The following PPARGC1B variants were observed in gnomAD, a reference collection of about 807,000 sequenced individuals.
The protein encoded by PPARGC1B is PPARG coactivator 1 beta, also known as peroxisome proliferator-activated receptor gamma coactivator 1-beta.
In PPARGC1B, 34 loss-of-function variants were observed where a neutral mutation model predicts 101.6. The ratio of observed to expected loss-of-function variants is 0.33; its 90% CI spans 0.25 to 0.45. The LOEUF is 0.45. Among genes scored for constraint, PPARGC1B ranks in the 20% least tolerant of loss-of-function variants. The pLI, the probability that PPARGC1B is intolerant of heterozygous loss-of-function variation, is 1.00. For missense variants in PPARGC1B, 1,234 were observed against 1,317.6 expected (o/e 0.94, Z 0.98); for synonymous variants, 548 against 539.3 (o/e 1.02, Z -0.22).
chr5:149,762,958 T>A (rs1755768917), intron 1 of PPARGC1B, among the ~76,000 whole-genome samples: 2 of 152,198 alleles, frequency 1.3e-5, no homozygotes, highest in Admixed American at 1.3e-4. Context: ...AGCACATTTT[T>A]AATTTTTTTG....
At chr5:149,794,548 A>G (rs927188951) in intron 1 of PPARGC1B, among the ~76,000 whole-genome samples, 7 of 140,784 alleles carry the variant, frequency 5.0e-5, no homozygotes, top group African/African-American at 1.7e-4. Context: ...ACACACACAC[A>G]CACACATTCA....
At chr5:149,807,262 T>A (rs1415594011) in intron 1 of PPARGC1B, among the ~76,000 whole-genome samples, 4 of 152,138 alleles carry the variant, frequency 2.6e-5, no homozygotes, top group Non-Finnish European at 5.9e-5. Flanking sequence ...CCAGCACTTT[T>A]CTGTCCTCCC....
At chr5:149,788,317 A>G (rs1036173318) in intron 1 of PPARGC1B, among the ~76,000 whole-genome samples, 2 of 152,266 alleles carry the variant, frequency 1.3e-5, no homozygotes, top group Non-Finnish European at 1.5e-5. Flanking sequence ...CAAAAGACAC[A>G]TGAAAAAATG....
intron 1 of PPARGC1B, among the ~76,000 whole-genome samples, chr5:149,781,838 C>T (rs940701215): frequency 6.6e-6 from 1 of 152,180 alleles, no homozygotes; most frequent in Non-Finnish European, 1.5e-5. Context: ...GTCTCATAAC[C>T]TTTACCCATA....
intron 3 of PPARGC1B, among the ~76,000 whole-genome samples, chr5:149,830,270 A>G (rs1046572495): frequency 2.6e-5 from 4 of 151,496 alleles, no homozygotes; most frequent in African/African-American, 4.8e-5. Context: ...ATCATTTACA[A>G]GTATTACCTT....
downstream of PPARGC1B, among the ~76,000 whole-genome samples, chr5:149,856,544 C>T (rs550011235): frequency 3.3e-5 from 5 of 152,312 alleles, no homozygotes; most frequent in East Asian, 9.6e-4. Context: ...TCAAGACCTG[C>T]CTTTGGGACC....
chr5:149,755,496 T>A, intron 1 of PPARGC1B, among the ~76,000 whole-genome samples: 1 of 152,262 alleles, frequency 6.6e-6, no homozygotes, highest in East Asian at 1.9e-4. Flanking sequence ...AGCTGTTAGA[T>A]GTAAACCCTG....
intron 1 of PPARGC1B, among the ~76,000 whole-genome samples, chr5:149,788,175 A>T (rs1756879548): frequency 6.6e-6 from 1 of 152,262 alleles, no homozygotes; most frequent in Non-Finnish European, 1.5e-5. Flanking sequence ...CAATCTACCC[A>T]TCTGACAAAG....
chr5:149,806,956 C>CTT (rs113853384), intron 1 of PPARGC1B, among the ~76,000 whole-genome samples: 1 of 145,482 alleles, frequency 6.9e-6, no homozygotes, highest in South Asian at 2.2e-4. Flanking sequence ...AAAATTTACC[C>CTT]TTTTTTTTTT....
intron 1 of PPARGC1B, among the ~76,000 whole-genome samples, chr5:149,814,922 C>T (rs251468): frequency 0.32 from 49,275 of 152,130 alleles, 8,559 homozygotes; most frequent in African/African-American, 0.41. Context: ...GCCCTACACA[C>T]GGGCCGTACA....
At position 149,820,623 on chromosome 5, in the gene PPARGC1B, C is replaced by G. The variant is rs754444633; in HGVS notation, c.252+17C>G. On this transcript the variant is annotated intron_variant, in intron 2 of 11. Transcript: ENST00000309241. ...CTCTTCCAGGTATGCCCTTTCCAGTCTCCCCTCCTCCCACCCTGCCAGGCC... is the reference window on the plus strand; with the variant it reads ...CTCTTCCAGGTATGCCCTTTCCAGTGTCCCCTCCTCCCACCCTGCCAGGCC... 23 of 1,594,410 alleles carry G rather than the reference C, an allele frequency of 1.4e-5. No homozygotes were observed. The South Asian group carries it at 2.5e-4, about 18-fold the overall frequency.
At chr5:149,820,309 G>T (rs371881868) in intron 1 of PPARGC1B, 124 bp from the exon 2 acceptor site, 4 of 851,748 alleles carry the variant, frequency 4.7e-6, no homozygotes, top group Non-Finnish European at 7.5e-6. Flanking sequence ...TCCATTTCTT[G>T]GTCATTTGGC....
rs1204906659 is a variant in PPARGC1B at position 149,836,285 on chromosome 5, A to G, written c.1830A>G (p.Pro610=). 1.3e-6 allele frequency: 2 copies of G among 1,589,968 alleles called. No homozygotes were observed. Among genetic ancestry groups the G allele is most frequent in the Admixed American group, 3.6e-5 (2 of 56,006 alleles). ...GTAGLTPPTT[P]PYKPTEEDPF... Reference sequence around the variant, plus strand: ...CAGGACTCACCCCACCCACCACACCACCGTACAAGCCCACAGAGGAGGATC... The same window carrying G: ...CAGGACTCACCCCACCCACCACACCGCCGTACAAGCCCACAGAGGAGGATC... Residue 610 remains proline, a synonymous_variant, in exon 8 of 12, where the codon CCA becomes CCG. Coordinates refer to ENST00000309241, the MANE Select transcript of PPARGC1B (RefSeq NM_133263.4).
intron 1 of PPARGC1B, among the ~76,000 whole-genome samples, chr5:149,813,124 G>A (rs570891696): frequency 1.3e-5 from 2 of 152,314 alleles, no homozygotes; most frequent in Non-Finnish European, 2.9e-5. Context: ...GCTTAGCAGG[G>A]TGTCGGGCTG....
intron 3 of PPARGC1B, among the ~76,000 whole-genome samples, chr5:149,830,030 CAAAAAAAAAAAAA>C (rs60711433): frequency 2.9e-5 from 1 of 34,264 alleles, no homozygotes; most frequent in African/African-American, 8.8e-5. Flanking sequence ...GACTGCATCT[CAAAAAAAAAAAAA>C]AAAAAAAAAA....
intron 1 of PPARGC1B, among the ~76,000 whole-genome samples, chr5:149,794,690 T>C (rs1380176548): frequency 6.6e-6 from 1 of 152,236 alleles, no homozygotes; most frequent in East Asian, 1.9e-4. Context: ...CTTTGCCCTA[T>C]ATAAGGAGGC....
rs568212005 is a variant in PPARGC1B, at chr5:149,809,591, G to A, written c.79-10842G>A. 6.6e-5 allele frequency among the ~76,000 whole-genome samples: 10 copies of A among 151,152 alleles called. No homozygotes were observed. In the South Asian group the frequency reaches 2.1e-3, roughly 32 times the overall value. On this transcript the variant is annotated intron_variant, in intron 1 of 11. Coordinates refer to ENST00000309241, the MANE Select transcript of PPARGC1B (RefSeq NM_133263.4). ...TAGTCCTAGCTACTAAGGAGGCTGA[G>A]GCGGGAGGATTGCTTGAGCCCGGGA...
At chr5:149,741,215 G>A (rs1258167718) in intron 1 of PPARGC1B, among the ~76,000 whole-genome samples, 1 of 152,192 alleles carries the variant, frequency 6.6e-6, no homozygotes, top group Non-Finnish European at 1.5e-5. Flanking sequence ...GAGGGAATGC[G>A]AGGAGATGTT....
chr5:149,814,040 A>C (rs1204012105), intron 1 of PPARGC1B, among the ~76,000 whole-genome samples: 2 of 152,220 alleles, frequency 1.3e-5, no homozygotes, highest in African/African-American at 4.8e-5. Flanking sequence ...ACAAACATTC[A>C]GACCGTAGTA....
Sources: allele counts gnomAD v4.1 joint callset (sites outside exome capture counted in the v4.1 genomes callset), GRCh38; gene constraint gnomAD v4.1.1; transcripts MANE v1.5; gene names NCBI Gene and HGNC (gene_info 2026-07-23, HGNC 2026-07-21).